Variants in STAMBPL1 observed in about 807,000 individuals in gnomAD.
STAMBPL1 encodes STAM binding protein like 1.
Under a neutral mutation model 52.9 loss-of-function variants are expected in STAMBPL1, and 44 were observed. The observed-to-expected ratio is 0.83, with a 90% CI of 0.65 to 1.07. The LOEUF (loss-of-function observed/expected upper bound fraction) is 1.07. Ranked by LOEUF, STAMBPL1 falls within the 50% of genes least tolerant of loss-of-function variation. The probability of loss-of-function intolerance (pLI) is 0.00; values close to 1 mark genes in which losing one functional copy is unlikely to be tolerated. For missense variants in STAMBPL1, 511 were observed against 520.8 expected (o/e 0.98, Z 0.18); for synonymous variants, 164 against 177.3 (o/e 0.92, Z 0.60).
chr10:88,908,266 A>G (rs555184097), intron 3 of STAMBPL1, among the ~76,000 whole-genome samples: 2 of 152,022 alleles, frequency 1.3e-5, no homozygotes, highest in African/African-American at 4.8e-5. Context: ...GAGTTTTTTG[A>G]TACACGATGG....
intron 1 of STAMBPL1, chr10:88,882,538 G>T (rs1368686634): frequency 1.3e-5 from 2 of 152,190 alleles, no homozygotes; most frequent in Non-Finnish European, 2.9e-5. Context: ...GAAAACTGAT[G>T]ATTCTTGCCC....
At chr10:88,885,772 C>T (rs1297490759) in intron 1 of STAMBPL1, among the ~76,000 whole-genome samples, 1 of 152,152 alleles carries the variant, frequency 6.6e-6, no homozygotes, top group African/African-American at 2.4e-5. Context: ...TATAAGAAGA[C>T]AGATTTTATT....
At chr10:88,902,763 GT>G (rs1844977663) in intron 2 of STAMBPL1, among the ~76,000 whole-genome samples, 1 of 152,060 alleles carries the variant, frequency 6.6e-6, no homozygotes. Flanking sequence ...GTAGAGACAG[GT>G]TTCACCGTGT....
intron 3 of STAMBPL1, among the ~76,000 whole-genome samples, chr10:88,906,630 G>C (rs1845081966): frequency 6.6e-6 from 1 of 152,156 alleles, no homozygotes; most frequent in African/African-American, 2.4e-5. Flanking sequence ...TATTGAGACA[G>C]GGTCTCCCTG....
At chr10:88,913,675 G>T (rs1397972382) in intron 6 of STAMBPL1, among the ~76,000 whole-genome samples, 3 of 151,874 alleles carry the variant, frequency 2.0e-5, no homozygotes, top group African/African-American at 7.3e-5. Flanking sequence ...ATAGAGCAGA[G>T]ACTCTATAAT....
intron 8 of STAMBPL1, among the ~76,000 whole-genome samples, chr10:88,919,711 C>T (rs1270044011): frequency 5.3e-5 from 8 of 152,114 alleles, no homozygotes; most frequent in African/African-American, 1.9e-4. Flanking sequence ...AGGATAATTT[C>T]CATTCCTTTG....
At chr10:88,918,697 C>G (rs953992336) in intron 8 of STAMBPL1, among the ~76,000 whole-genome samples, 11 of 152,122 alleles carry the variant, frequency 7.2e-5, no homozygotes, top group African/African-American at 2.4e-4. Flanking sequence ...AAAAAGAATG[C>G]CTTATTTAGC....
At chr10:88,914,794 C>A (rs1429409858) in intron 7 of STAMBPL1, 136 bp downstream of exon 7, 1 of 316,312 alleles carries the variant, frequency 3.2e-6, no homozygotes, top group Non-Finnish European at 5.2e-6. Context: ...TAACGTTACA[C>A]AGATTAACTT....
intron 3 of STAMBPL1, among the ~76,000 whole-genome samples, chr10:88,907,218 A>G (rs1451147011): frequency 2.6e-5 from 4 of 152,334 alleles, no homozygotes; most frequent in East Asian, 1.9e-4. Context: ...GAAAGATACA[A>G]TATTTTAAAA....
intron 1 of STAMBPL1, among the ~76,000 whole-genome samples, chr10:88,890,887 T>C (rs914450526): frequency 2.0e-5 from 3 of 152,238 alleles, no homozygotes; most frequent in African/African-American, 7.2e-5. Flanking sequence ...GCATACTTGC[T>C]TCCTCTCTGG....
chr10:88,906,602 A>G (rs1345909279), intron 3 of STAMBPL1, among the ~76,000 whole-genome samples: 1 of 152,198 alleles, frequency 6.6e-6, no homozygotes, highest in African/African-American at 2.4e-5. Flanking sequence ...TAACATATTT[A>G]TTACCTCACA....
chr10:88,885,546 A>G (rs1422696941), intron 1 of STAMBPL1, among the ~76,000 whole-genome samples: 1 of 152,110 alleles, frequency 6.6e-6, no homozygotes, highest in Non-Finnish European at 1.5e-5. Flanking sequence ...ATAATAGATC[A>G]GATTCTGGGG....
chr10:88,910,693 G>T (rs1035255407), intron 4 of STAMBPL1, among the ~76,000 whole-genome samples: 7 of 152,190 alleles, frequency 4.6e-5, no homozygotes, highest in Non-Finnish European at 7.3e-5. Context: ...TATCCAATCA[G>T]TGGGGCCAAT....
At chr10:88,921,203 A>G (rs908857436) in intron 8 of STAMBPL1, 80 bp from the exon 9 acceptor site, 3 of 1,147,808 alleles carry the variant, frequency 2.6e-6, no homozygotes, top group African/African-American at 3.1e-5. Flanking sequence ...CTAAAAAAAA[A>G]CAGAGTTTTC....
chr10:88,922,315 T>A (rs1302620295), intron 9 of STAMBPL1, 22 bp from the exon 10 acceptor site: 1 of 1,611,828 alleles, frequency 6.2e-7, no homozygotes, highest in Non-Finnish European at 8.5e-7. Context: ...TTTTTCTATC[T>A]TGTTTTTGCT....
chr10:88,893,841 C>T (rs2133140895), intron 1 of STAMBPL1: 1 of 152,240 alleles, frequency 6.6e-6, no homozygotes, highest in African/African-American at 2.4e-5. Flanking sequence ...ATCTTCATTT[C>T]CACAGTAAAT....
chr10:88,905,322 A>G (rs1482885318), intron 2 of STAMBPL1, 121 bp from the exon 3 acceptor site: 1 of 764,480 alleles, frequency 1.3e-6, no homozygotes, highest in Non-Finnish European at 2.1e-6. Flanking sequence ...TTAACTTATG[A>G]AAAGATTTCC....
chr10:88,914,865 A>G (rs1183100291), intron 7 of STAMBPL1, among the ~76,000 whole-genome samples: 1 of 152,110 alleles, frequency 6.6e-6, no homozygotes, highest in Non-Finnish European at 1.5e-5. Flanking sequence ...GTAAAATTTC[A>G]GAGACACTAT....
intron 2 of STAMBPL1, among the ~76,000 whole-genome samples, chr10:88,905,088 C>G (rs1425584001): frequency 6.6e-6 from 1 of 152,094 alleles, no homozygotes; most frequent in Non-Finnish European, 1.5e-5. Flanking sequence ...ATCTTATGAC[C>G]TGCTTCAGAT....
Sources: allele counts gnomAD v4.1 joint callset (sites outside exome capture counted in the v4.1 genomes callset), GRCh38; gene constraint gnomAD v4.1.1; transcripts MANE v1.5; gene names NCBI Gene and HGNC (gene_info 2026-07-23, HGNC 2026-07-21).